Variants in LRATD1 observed in about 807,000 individuals in gnomAD.
LRATD1 encodes the protein LRAT domain containing 1.
In LRATD1, 8 loss-of-function variants were observed where a neutral mutation model predicts 21.3. The observed-to-expected ratio is 0.38, with a 90% confidence interval of 0.22 to 0.68. The LOEUF (loss-of-function observed/expected upper bound fraction) is 0.68. Ranked by LOEUF, LRATD1 falls within the 30% of genes least tolerant of loss-of-function variation. LRATD1 has a pLI of 0.54. For synonymous variants in LRATD1, 210 were observed against 186.2 expected (o/e 1.13, Z -1.04); for missense variants, 380 against 404.0 (o/e 0.94, Z 0.51).
In LRATD1 at chr2:14,639,044, G is replaced by A. The variant is rs1423146325; in HGVS notation, c.*4186G>A. 2.4e-5 allele frequency: 4 copies of A among 165,826 alleles called. No homozygotes were observed. The highest frequency in any genetic ancestry group is 4.9e-5 in the African/African-American group (2 of 40,968). The allele number at this position is 165,826 out of a possible 1,614,324, so 10.3% of individuals were successfully genotyped here. A position where few individuals can be genotyped will look rare whatever the true frequency, so the allele number is the denominator to read the frequency against. ...TACACTCATATACATATATACACAT[G>A]TATATATACTTGTGTACACATACAT... On this transcript the variant is annotated 3_prime_UTR_variant, in exon 2 of 2. Coordinates refer to ENST00000295092, the MANE Select transcript of LRATD1 (RefSeq NM_145175.4).
chr2:14,633,860 A>AG lies in LRATD1; in HGVS notation c.-36-80dup, dbSNP rs1671609601. 1.5e-6 allele frequency: 2 copies of AG among 1,314,358 alleles called. No individual in the cohort carries two copies. Among genetic ancestry groups the AG allele is most frequent in the Non-Finnish European group, 1.0e-6 (1 of 962,170 alleles). The allele number at this position is 1,314,358 out of a possible 1,614,324, so 81.4% of individuals were successfully genotyped here. A position where few individuals can be genotyped will look rare whatever the true frequency, so the allele number is the denominator to read the frequency against. Reference sequence around the variant, plus strand: ...GCACGTAAGCTAGCCGGCAGGTCCCAGGGGCACTGCACGTCTTGGGGAGGG... The same window carrying AG: ...GCACGTAAGCTAGCCGGCAGGTCCCAGGGGGCACTGCACGTCTTGGGGAGGG... On this transcript the variant is annotated intron_variant, in intron 1 of 1. Coordinates refer to ENST00000295092, the MANE Select transcript of LRATD1 (RefSeq NM_145175.4). The surrounding 1 kb of genome is among the most constrained non-coding windows in gnomAD (Gnocchi z 7.5).
rs1350057654 is a variant in LRATD1, at chr2:14,634,662, C to A, written c.683C>A (p.Ala228Glu). The A allele has an allele frequency of 6.4e-7, 1 of 1,554,482 alleles. No individual in the cohort carries two copies. ...WCRFGKREFK[A>E]GGEVPAGTQP... ...CGCTTTGGCAAGCGGGAGTTCAAGG[C>A]GGGAGGGGAGGTGCCGGCAGGCACG... Residue 228 changes from alanine (A) to glutamate (E), a missense_variant, in exon 2 of 2, where the codon GCG (alanine) becomes GAG (glutamate). Transcript: ENST00000295092.
At chr2:14,647,066 T>A (rs1418113889) in intron 4 of LRATD1, among the ~76,000 whole-genome samples, 1 of 152,180 alleles carries the variant, frequency 6.6e-6, no homozygotes, top group Non-Finnish European at 1.5e-5. Flanking sequence ...TGAGCCTCTA[T>A]CCCTCAGCCT....
downstream of LRATD1, among the ~76,000 whole-genome samples, chr2:14,641,653 T>C (rs189811356): frequency 1.3e-5 from 2 of 152,310 alleles, no homozygotes; most frequent in Admixed American, 1.3e-4. Context: ...GCAGTCAGCA[T>C]ATTCCATGGT....
chr2:14,646,990 G>C (rs528934840), intron 4 of LRATD1, among the ~76,000 whole-genome samples: 4 of 152,294 alleles, frequency 2.6e-5, no homozygotes, highest in Admixed American at 2.6e-4. Flanking sequence ...TATGGGAAAG[G>C]ACATTGGACT....
chr2:14,643,789 A>G (rs77659634), downstream of LRATD1, among the ~76,000 whole-genome samples: 105 of 152,314 alleles, frequency 6.9e-4, no homozygotes, highest in East Asian at 0.017. Flanking sequence ...TTTAATGATC[A>G]TGCCGTCCAT....
At position 14,634,662 on chromosome 2, in the gene LRATD1, C is replaced by T; in HGVS notation, c.683C>T (p.Ala228Val). 6.4e-7 allele frequency: 1 copy of T among 1,554,482 alleles called. No individual in the cohort carries two copies. The highest frequency in any genetic ancestry group is 1.2e-5 in the South Asian group (1 of 83,420). The change falls in exon 2 of 2, where the codon GCG becomes GTG. Residue 228 changes from alanine to valine, a missense_variant. Coordinates refer to ENST00000295092, the MANE Select transcript of LRATD1 (RefSeq NM_145175.4). Reference sequence around the variant, plus strand: ...CGCTTTGGCAAGCGGGAGTTCAAGGCGGGAGGGGAGGTGCCGGCAGGCACG... The same window carrying T: ...CGCTTTGGCAAGCGGGAGTTCAAGGTGGGAGGGGAGGTGCCGGCAGGCACG... The part of the protein sequence containing the change: ...WCRFGKREFK[A>V]GGEVPAGTQP...
At chr2:14,642,557 T>C (rs2103412118), downstream of LRATD1, among the ~76,000 whole-genome samples, 1 of 148,580 alleles carries the variant, frequency 6.7e-6, no homozygotes, top group East Asian at 2.0e-4. Flanking sequence ...AAGAGTCTAC[T>C]GAAAACCTAA....
intron 2 of LRATD1, chr2:14,645,963 C>T (rs1241912713): frequency 6.6e-6 from 1 of 152,116 alleles, no homozygotes; most frequent in Non-Finnish European, 1.5e-5. Flanking sequence ...GGGAAAACAC[C>T]CAACTCAGTA....
downstream of LRATD1, chr2:14,642,077 G>A (rs1671813007): frequency 6.6e-6 from 1 of 152,598 alleles, no homozygotes; most frequent in African/African-American, 2.4e-5. Flanking sequence ...AGGAACTGGG[G>A]AAGGTATGTG....
Position 14,636,256 on chromosome 2 carries a change from AG to A in LRATD1, c.*1402del, listed in dbSNP as rs1292052219. On this transcript the variant is annotated 3_prime_UTR_variant, in exon 2 of 2. Transcript: ENST00000295092. Reference sequence around the variant, plus strand: ...TATTGTACTGAATTTCTGTCAGTTAAGGGGTTCACTGCTTTGGTGGAAATTG... The same window carrying A: ...TATTGTACTGAATTTCTGTCAGTTAAGGGTTCACTGCTTTGGTGGAAATTG... 6.0e-5 allele frequency: 10 copies of A among 167,404 alleles called. No homozygotes were observed. The highest frequency in any genetic ancestry group is 2.4e-4 in the African/African-American group (10 of 41,458). 10.4% of individuals were successfully genotyped at this position (167,404 alleles called of 1,614,324 possible).
chr2:14,634,759 C>T lies in LRATD1; in HGVS notation c.780C>T (p.His260=). ...ACAAGGTCCACACCGCCAGGTTTCA[C>T]AGCCTGGAAGACCTCATCCGCGAGA... ...GENKVHTARF[H]SLEDLIREKR... is the part of the protein sequence containing the mutation. Residue 260 remains histidine, a synonymous_variant, in exon 2 of 2, where the codon CAC becomes CAT. Transcript: ENST00000295092. 1 of 1,581,214 alleles carries T rather than the reference C, an allele frequency of 6.3e-7. No homozygotes were observed.
downstream of LRATD1, among the ~76,000 whole-genome samples, chr2:14,640,880 G>C (rs1000501995): frequency 6.6e-6 from 1 of 152,098 alleles, no homozygotes; most frequent in African/African-American, 2.4e-5. Flanking sequence ...TCTGCCCAGG[G>C]GGTCTGAGCT....
In LRATD1 at chr2:14,635,235, A is replaced by C. The variant is rs1671659335; in HGVS notation, c.*377A>C. On this transcript the variant is annotated 3_prime_UTR_variant, in exon 2 of 2. Transcript: ENST00000295092. ...GTGACTGTGGCCCGACTCGAAAACA[A>C]CCCTCTTCTCAAAAGGGACCATCAC... 3 of 535,786 alleles carry C rather than the reference A, an allele frequency of 5.6e-6. No individual in the cohort carries two copies. Among genetic ancestry groups the C allele is most frequent in the Non-Finnish European group, 3.7e-6 (1 of 269,344 alleles). 33.2% of individuals were successfully genotyped at this position (535,786 alleles called of 1,614,324 possible).
chr2:14,649,238 G>C (rs1407962576), intron 4 of LRATD1: 1 of 455,614 alleles, frequency 2.2e-6, no homozygotes, highest in Non-Finnish European at 4.4e-6. Flanking sequence ...AGGAAGGCTA[G>C]TAAAGCAGTC....
chr2:14,634,853 G>A lies in LRATD1; in HGVS notation c.874G>A (p.Glu292Lys), dbSNP rs768483128. Residue 292 changes from glutamate (E) to lysine (K), a missense_variant, in exon 2 of 2, where the codon GAG becomes AAG. Coordinates refer to ENST00000295092, the MANE Select transcript of LRATD1 (RefSeq NM_145175.4). The stretch of plus-strand genomic sequence containing the variant: ...GCTCGCCGACCTCGTGGACGACAAG[G>A]AGTAGCCGCCTAGGGGCTGCCGGCC... ...QELADLVDDK[E>K] The A allele has an allele frequency of 6.2e-7, 1 of 1,609,180 alleles. No homozygotes were observed. Among genetic ancestry groups the A allele is most frequent in the Non-Finnish European group, 8.5e-7 (1 of 1,177,210 alleles).
chr2:14,645,353 A>T (rs1406494423), intron 2 of LRATD1, among the ~76,000 whole-genome samples: 2 of 152,204 alleles, frequency 1.3e-5, no homozygotes. Context: ...TTGCCAAAAT[A>T]TCCAGGTATA....
At position 14,634,982 on chromosome 2, in the gene LRATD1, G is replaced by C; in HGVS notation, c.*124G>C. The C allele has an allele frequency of 7.6e-7, 1 of 1,307,702 alleles. No individual in the cohort carries two copies. Among genetic ancestry groups the C allele is most frequent in the Non-Finnish European group, 1.0e-6 (1 of 956,614 alleles). 81.0% of individuals were successfully genotyped at this position (1,307,702 alleles called of 1,614,324 possible). A position where few individuals can be genotyped will look rare whatever the true frequency, so the allele number is the denominator to read the frequency against. On this transcript the variant is annotated 3_prime_UTR_variant, in exon 2 of 2. Coordinates refer to ENST00000295092, the MANE Select transcript of LRATD1 (RefSeq NM_145175.4). ...CGCCCCGCCACGCGCGTCCGCCGCC[G>C]GTGGCCCGGGCCCGGGCTGCACCCC...
rs757618237 is a variant in LRATD1, at chr2:14,633,946, C to A, written c.-34C>A. On this transcript the variant is annotated splice_region_variant and 5_prime_UTR_variant, in exon 2 of 2. Transcript: ENST00000295092. The surrounding 1 kb of genome is among the most constrained non-coding windows in gnomAD (Gnocchi z 7.5). The stretch of plus-strand genomic sequence containing the variant: ...TCTGCCTCTCTGTGCCTCCGCAGAT[C>A]CCCGCTCCTGGCCCTCGCCTCGCCA... The A allele has an allele frequency of 5.0e-5, 80 of 1,591,060 alleles. No homozygotes were observed. Among genetic ancestry groups the A allele is most frequent in the Non-Finnish European group, 6.4e-5 (75 of 1,165,640 alleles).
Sources: allele counts gnomAD v4.1 joint callset (sites outside exome capture counted in the v4.1 genomes callset), GRCh38; gene constraint gnomAD v4.1.1; non-coding constraint Gnocchi (gnomAD v3.1); transcripts MANE v1.5; gene names NCBI Gene and HGNC (gene_info 2026-07-23, HGNC 2026-07-21).